PSMD14: variants seen among roughly 807,000 people sequenced by gnomAD.
PSMD14 encodes ubiquitin C-terminal hydrolase PSMD14.
In PSMD14, 7 loss-of-function variants were observed where a neutral mutation model predicts 41.2. The ratio of observed to expected loss-of-function variants is 0.17; its 90% CI spans 0.10 to 0.32. The LOEUF is 0.32. Ranked by LOEUF, PSMD14 falls within the 10% of genes least tolerant of loss-of-function variation. PSMD14 has a pLI of 1.00. For synonymous variants in PSMD14, 114 were observed against 122.3 expected, an observed-to-expected ratio of 0.93 and a Z score of 0.45; for missense variants, 139 against 375.6, an observed-to-expected ratio of 0.37 and a Z score of 5.21.
intron 7 of PSMD14, chr2:161,383,095 T>C (rs909628502): frequency 6.6e-6 from 1 of 151,866 alleles, no homozygotes; most frequent in Non-Finnish European, 1.5e-5. Flanking sequence ...TCTTCACCCA[T>C]TGCTCATTAG....
At chr2:161,402,710 G>T (rs1216084084) in intron 10 of PSMD14, among the ~76,000 whole-genome samples, 1 of 143,420 alleles carries the variant, frequency 7.0e-6, no homozygotes, top group African/African-American at 2.6e-5. Context: ...AAAAAAAAAA[G>T]AAACTATAAA....
intron 7 of PSMD14, among the ~76,000 whole-genome samples, chr2:161,379,052 C>T (rs1412545132): frequency 1.3e-5 from 2 of 151,906 alleles, no homozygotes; most frequent in East Asian, 3.9e-4. Flanking sequence ...TATTCTCATC[C>T]ACATGCTCTA....
intron 3 of PSMD14, among the ~76,000 whole-genome samples, chr2:161,325,319 A>C (rs1453257179): frequency 2.0e-5 from 3 of 152,186 alleles, no homozygotes; most frequent in African/African-American, 7.2e-5. Context: ...TAGATAAAAA[A>C]AAATTCATGA....
At chr2:161,362,269 T>TA (rs11449569) in intron 3 of PSMD14, among the ~76,000 whole-genome samples, 138,976 of 152,214 alleles carry the variant, frequency 0.91, 63,496 homozygotes, top group East Asian at 1. Flanking sequence ...TCCAGAATAG[T>TA]AAAGTCAACA....
chr2:161,354,088 C>G (rs1002706739), intron 3 of PSMD14, among the ~76,000 whole-genome samples: 9 of 152,182 alleles, frequency 5.9e-5, no homozygotes, highest in Admixed American at 5.9e-4. Flanking sequence ...TTTTGTGGAA[C>G]AATTCTGATA....
chr2:161,346,466 C>T (rs150600005), intron 3 of PSMD14, among the ~76,000 whole-genome samples: 26 of 151,448 alleles, frequency 1.7e-4, no homozygotes, highest in East Asian at 1.5e-3. Context: ...TGTCAGTGCT[C>T]AGTTTCAGTT....
At chr2:161,398,221 A>G (rs1310629098) in intron 10 of PSMD14, among the ~76,000 whole-genome samples, 1 of 152,138 alleles carries the variant, frequency 6.6e-6, no homozygotes. Flanking sequence ...TGAAAGAAAT[A>G]CGGTGGGTTT....
At chr2:161,411,013 T>G (rs1319068753) in intron 11 of PSMD14, among the ~76,000 whole-genome samples, 1 of 152,124 alleles carries the variant, frequency 6.6e-6, no homozygotes, top group Non-Finnish European at 1.5e-5. Flanking sequence ...ATCAGATGAT[T>G]GTGAGCTGTA....
chr2:161,387,346 C>G (rs116232910), intron 8 of PSMD14, among the ~76,000 whole-genome samples: 86 of 152,106 alleles, frequency 5.7e-4, no homozygotes, highest in African/African-American at 2.1e-3. Context: ...TTAGCAGGAT[C>G]TTTAACTCTG....
chr2:161,372,699 T>C (rs1683452800), intron 7 of PSMD14, among the ~76,000 whole-genome samples: 1 of 152,032 alleles, frequency 6.6e-6, no homozygotes, highest in Non-Finnish European at 1.5e-5. Context: ...TTGATTGTTA[T>C]TAGCTTTATG....
At chr2:161,369,956 G>T (rs1378521952) in intron 5 of PSMD14, 151 bp from the exon 6 acceptor site, 1 of 555,430 alleles carries the variant, frequency 1.8e-6, no homozygotes. Context: ...AGCTTGATTG[G>T]TATGAGGTTT....
chr2:161,407,458 A>G (rs1319625979), intron 10 of PSMD14: 3 of 152,124 alleles, frequency 2.0e-5, no homozygotes, highest in East Asian at 3.9e-4. Flanking sequence ...TACAATACCT[A>G]TTCACTATCT....
intron 3 of PSMD14, 109 bp from the exon 4 acceptor site, chr2:161,367,369 G>C (rs1361784381): frequency 1.2e-6 from 1 of 843,616 alleles, no homozygotes; most frequent in Non-Finnish European, 1.8e-6. Flanking sequence ...TACTTGACAT[G>C]TTTTGCAAAA....
intron 3 of PSMD14, among the ~76,000 whole-genome samples, chr2:161,346,702 C>A (rs1311852993): frequency 6.6e-6 from 1 of 151,312 alleles, no homozygotes; most frequent in East Asian, 1.9e-4. Flanking sequence ...TGGGGCAGTA[C>A]CTTGTTTAGG....
intron 3 of PSMD14, among the ~76,000 whole-genome samples, chr2:161,337,878 T>C (rs1029131589): frequency 1.3e-5 from 2 of 152,204 alleles, no homozygotes; most frequent in Non-Finnish European, 2.9e-5. Flanking sequence ...TATTTTCCTA[T>C]CTGTATGCCT....
At chr2:161,377,869 A>ATCAG (rs1200746464) in intron 7 of PSMD14, among the ~76,000 whole-genome samples, 1 of 151,904 alleles carries the variant, frequency 6.6e-6, no homozygotes, top group African/African-American at 2.4e-5. Context: ...ACACTTGTTG[A>ATCAG]TCACTACTTT....
chr2:161,310,610 G>A (rs2105226705), intron 1 of PSMD14, among the ~76,000 whole-genome samples: 1 of 152,308 alleles, frequency 6.6e-6, no homozygotes, highest in African/African-American at 2.4e-5. Flanking sequence ...ATTATAACAA[G>A]AATAGCAACG....
chr2:161,319,039 T>G (rs1026746482), intron 3 of PSMD14, 166 bp downstream of exon 3: 20 of 452,382 alleles, frequency 4.4e-5, no homozygotes, highest in Non-Finnish European at 7.8e-5. Flanking sequence ...AGATAACATG[T>G]GGAAAACATT....
chr2:161,342,845 A>G (rs1243915701), intron 3 of PSMD14, among the ~76,000 whole-genome samples: 1 of 152,000 alleles, frequency 6.6e-6, no homozygotes, highest in Non-Finnish European at 1.5e-5. Context: ...TTGAATTTCT[A>G]GCTATAACTT....
Sources: gnomAD v4.1 joint callset for allele counts (sites outside exome capture counted in the v4.1 genomes callset) on GRCh38, gnomAD v4.1.1 for gene constraint, MANE v1.5 for transcripts, NCBI Gene and HGNC (gene_info 2026-07-23, HGNC 2026-07-21) for gene names.